EVA1C: variants seen among roughly 807,000 people sequenced by gnomAD.
EVA1C encodes protein eva-1 homolog C.
In EVA1C, 25 loss-of-function variants were observed where a neutral mutation model predicts 45.4. The observed-to-expected ratio is 0.55, with a 90% CI of 0.40 to 0.77. The LOEUF is 0.77. Ranked by LOEUF, EVA1C falls within the 30% of genes least tolerant of loss-of-function variation. The probability of loss-of-function intolerance (pLI) is 0.00; values close to 1 mark genes in which losing one functional copy is unlikely to be tolerated. For missense variants in EVA1C, 479 were observed against 554.8 expected (o/e 0.86, Z 1.37); for synonymous variants, 190 against 221.2 (o/e 0.86, Z 1.25).
chr21:32,421,859 C>G (rs1601204242), intron 1 of EVA1C, among the ~76,000 whole-genome samples: 1 of 152,092 alleles, frequency 6.6e-6, no homozygotes. Context: ...GCCTGGCCAA[C>G]ATGGCGAAGC....
At chr21:32,483,654 A>G (rs1166605828) in intron 4 of EVA1C, among the ~76,000 whole-genome samples, 2 of 152,210 alleles carry the variant, frequency 1.3e-5, no homozygotes, top group African/African-American at 4.8e-5. Flanking sequence ...TCGATCTCAC[A>G]GATCAGGCAC....
intron 1 of EVA1C, among the ~76,000 whole-genome samples, chr21:32,439,337 G>A (rs1365644505): frequency 1.3e-5 from 2 of 152,016 alleles, no homozygotes; most frequent in Admixed American, 6.6e-5. Context: ...AGAAAGTGTG[G>A]GCCCTTGGGG....
At chr21:32,507,941 A>G (rs4816436) in intron 7 of EVA1C, among the ~76,000 whole-genome samples, 69,125 of 148,066 alleles carry the variant, frequency 0.47, 17,265 homozygotes, top group East Asian at 0.69. Context: ...GTGTATCTGT[A>G]TGTGTGTTTG....
chr21:32,461,020 A>G (rs1396068860), intron 3 of EVA1C, among the ~76,000 whole-genome samples: 1 of 152,264 alleles, frequency 6.6e-6, no homozygotes. Flanking sequence ...TGCTAGGATC[A>G]CAGGCGTGAA....
intron 4 of EVA1C, among the ~76,000 whole-genome samples, chr21:32,490,220 AC>A (rs1463471322): frequency 2.6e-5 from 4 of 151,974 alleles, no homozygotes; most frequent in Admixed American, 6.6e-5. Flanking sequence ...AACCCATAAA[AC>A]AACTCCCCAT....
chr21:32,464,462 A>G (rs1213536321), intron 3 of EVA1C, among the ~76,000 whole-genome samples: 1 of 152,168 alleles, frequency 6.6e-6, no homozygotes, highest in African/African-American at 2.4e-5. Flanking sequence ...TTGTGGTCCA[A>G]AATTTTGTCT....
chr21:32,491,768 TTA>T (rs1378544046), intron 4 of EVA1C, among the ~76,000 whole-genome samples: 1 of 150,124 alleles, frequency 6.7e-6, no homozygotes, highest in East Asian at 2.0e-4. Context: ...GGGAGTCCAG[TTA>T]CTAGACTTGC....
At chr21:32,491,525 C>T (rs2037156390) in intron 4 of EVA1C, among the ~76,000 whole-genome samples, 1 of 151,568 alleles carries the variant, frequency 6.6e-6, no homozygotes, top group Non-Finnish European at 1.5e-5. Context: ...CCCGTCTCTA[C>T]TAAAAATACA....
chr21:32,424,349 CAGG>C (rs1206311757), intron 1 of EVA1C, among the ~76,000 whole-genome samples: 1 of 152,088 alleles, frequency 6.6e-6, no homozygotes, highest in Non-Finnish European at 1.5e-5. Context: ...GCCTGCTCAA[CAGG>C]AGATGACAGG....
intron 4 of EVA1C, among the ~76,000 whole-genome samples, chr21:32,478,293 A>T (rs1601377638): frequency 6.6e-6 from 1 of 151,914 alleles, no homozygotes; most frequent in African/African-American, 2.4e-5. Flanking sequence ...ATCTCAGCTC[A>T]CTGCAACCTC....
intron 1 of EVA1C, among the ~76,000 whole-genome samples, chr21:32,449,622 G>GTTTTTTTT: frequency 6.7e-6 from 1 of 148,312 alleles, no homozygotes; most frequent in Admixed American, 6.7e-5. Context: ...TTTGTTTTTT[G>GTTTTTTTT]TTTTGTTTTT....
At position 32,452,688 on chromosome 21, in the gene EVA1C, T is replaced by C. The variant is rs2035626587; in HGVS notation, c.161-624T>C. ...AGAAGGAGTGCAAGGTTTTATTGAG[T>C]GGAGGAGGTGGCTCTCGGATGGGGA... On this transcript the variant is annotated intron_variant, in intron 1 of 7. Coordinates refer to ENST00000300255, the MANE Select transcript of EVA1C (RefSeq NM_058187.5). The surrounding 1 kb of genome is among the most constrained non-coding windows in gnomAD (Gnocchi z 4.0). 1 of 152,076 alleles carries C rather than the reference T, an allele frequency of 6.6e-6. No individual in the cohort carries two copies. Among genetic ancestry groups the C allele is most frequent in the African/African-American group, 2.4e-5 (1 of 41,388 alleles). The allele number at this position is 152,076 out of a possible 1,614,324, so 9.4% of individuals were successfully genotyped here. A position where few individuals can be genotyped will look rare whatever the true frequency, so the allele number is the denominator to read the frequency against.
At chr21:32,495,884 G>T (rs1379216574) in intron 5 of EVA1C, among the ~76,000 whole-genome samples, 1 of 152,172 alleles carries the variant, frequency 6.6e-6, no homozygotes, top group East Asian at 1.9e-4. Context: ...CAAATGGAAA[G>T]CAAAGAGCAT....
chr21:32,505,107 G>A (rs2037683986), intron 7 of EVA1C, among the ~76,000 whole-genome samples: 1 of 152,074 alleles, frequency 6.6e-6, no homozygotes, highest in African/African-American at 2.4e-5. Context: ...TCCCTCCCAT[G>A]ACACATGTGG....
intron 1 of EVA1C, among the ~76,000 whole-genome samples, chr21:32,444,368 G>T (rs1247517950): frequency 2.0e-5 from 3 of 152,148 alleles, no homozygotes; most frequent in Non-Finnish European, 2.9e-5. Context: ...GCTTCAAGTT[G>T]AGGTTCCCAT....
chr21:32,501,052 AT>A (rs1471890365), intron 5 of EVA1C, among the ~76,000 whole-genome samples: 1 of 152,132 alleles, frequency 6.6e-6, no homozygotes, highest in Non-Finnish European at 1.5e-5. Flanking sequence ...ACCTCAAGTA[AT>A]CTGTCCACCT....
chr21:32,424,284 C>T (rs73190656), intron 1 of EVA1C, among the ~76,000 whole-genome samples: 16,032 of 152,124 alleles, frequency 0.11, 986 homozygotes, highest in Middle Eastern at 0.22. Context: ...CATAAATCAT[C>T]GTACTGTACT....
At chr21:32,475,883 C>A (rs2036538982) in intron 4 of EVA1C, among the ~76,000 whole-genome samples, 1 of 46,600 alleles carries the variant, frequency 2.1e-5, no homozygotes, top group Non-Finnish European at 3.9e-5. Context: ...AAAACTTTAT[C>A]TATCTATCTA....
chr21:32,446,413 G>C (rs1300202099), intron 1 of EVA1C, among the ~76,000 whole-genome samples: 3 of 152,194 alleles, frequency 2.0e-5, no homozygotes, highest in Non-Finnish European at 4.4e-5. Context: ...AAAAGCTCTG[G>C]CTGAAACTAT....
Sources: allele counts gnomAD v4.1 joint callset (sites outside exome capture counted in the v4.1 genomes callset), GRCh38; gene constraint gnomAD v4.1.1; non-coding constraint Gnocchi (gnomAD v3.1); transcripts MANE v1.5; gene names NCBI Gene and HGNC (gene_info 2026-07-23, HGNC 2026-07-21).